RGS7: variants seen among roughly 807,000 people sequenced by gnomAD.
RGS7 encodes regulator of G-protein signaling 7.
In RGS7, 27 loss-of-function variants were observed where a neutral mutation model predicts 81.1. The ratio of observed to expected loss-of-function variants is 0.33; its 90% CI spans 0.25 to 0.46. The LOEUF (loss-of-function observed/expected upper bound fraction) is 0.46. RGS7 is among the 20% of genes least tolerant of loss of function. The pLI is 1.00. For missense variants in RGS7, 396 were observed against 607.4 expected, an observed-to-expected ratio of 0.65 and a Z score of 3.66; for synonymous variants, 208 against 207.7, an observed-to-expected ratio of 1.00 and a Z score of -0.01.
At chr1:241,291,127 C>T (rs1015034441) in intron 2 of RGS7, among the ~76,000 whole-genome samples, 10 of 152,170 alleles carry the variant, frequency 6.6e-5, no homozygotes, top group African/African-American at 2.2e-4. Flanking sequence ...AAAATAAACA[C>T]AGACAAAGCC....
At chr1:241,049,871 A>G (rs780471302) in intron 3 of RGS7, among the ~76,000 whole-genome samples, 1 of 152,206 alleles carries the variant, frequency 6.6e-6, no homozygotes, top group East Asian at 1.9e-4. Flanking sequence ...GATGGGTCAC[A>G]CTGTACTAAC....
intron 3 of RGS7, among the ~76,000 whole-genome samples, chr1:241,072,792 A>G (rs189446934): frequency 2.0e-5 from 3 of 152,262 alleles, no homozygotes; most frequent in Admixed American, 2.0e-4. Context: ...CAGAGGCAGG[A>G]TGGAGAAAGG....
chr1:241,084,620 C>G (rs535985498), intron 3 of RGS7, among the ~76,000 whole-genome samples: 2 of 152,278 alleles, frequency 1.3e-5, no homozygotes, highest in African/African-American at 4.8e-5. Flanking sequence ...GACAACTCTT[C>G]TGACCTCAAA....
At chr1:240,831,189 C>A (rs1693773187) in intron 9 of RGS7, among the ~76,000 whole-genome samples, 1 of 151,850 alleles carries the variant, frequency 6.6e-6, no homozygotes, top group Non-Finnish European at 1.5e-5. Flanking sequence ...GTCTCGGAGG[C>A]CCTGTAATTT....
At chr1:241,274,942 C>T (rs927412532) in intron 2 of RGS7, among the ~76,000 whole-genome samples, 25 of 152,302 alleles carry the variant, frequency 1.6e-4, no homozygotes, top group Admixed American at 1.0e-3. Flanking sequence ...TTATCCAGGA[C>T]GGACTGATTA....
At chr1:241,025,711 T>C (rs764014751) in intron 3 of RGS7, among the ~76,000 whole-genome samples, 4 of 151,746 alleles carry the variant, frequency 2.6e-5, no homozygotes, top group Non-Finnish European at 4.4e-5. Flanking sequence ...TTTTTTTTAA[T>C]GAAGGATATT....
intron 4 of RGS7, among the ~76,000 whole-genome samples, chr1:240,975,121 C>T (rs182118093): frequency 6.6e-6 from 1 of 152,000 alleles, no homozygotes; most frequent in African/African-American, 2.4e-5. Context: ...CACAGAAATG[C>T]GGCCGGGTGC....
chr1:240,807,118 C>T (rs1490253976), intron 14 of RGS7, among the ~76,000 whole-genome samples: 3 of 152,124 alleles, frequency 2.0e-5, no homozygotes, highest in Admixed American at 6.5e-5. Flanking sequence ...CATATGTATA[C>T]TGAAAGAACC....
intron 2 of RGS7, among the ~76,000 whole-genome samples, chr1:241,311,019 A>C (rs983534271): frequency 1.3e-5 from 2 of 152,244 alleles, no homozygotes; most frequent in African/African-American, 4.8e-5. Flanking sequence ...ATTTTTGACC[A>C]ACAAGGTTTT....
At chr1:240,849,583 TG>T (rs1273781579) in intron 9 of RGS7, among the ~76,000 whole-genome samples, 1 of 152,158 alleles carries the variant, frequency 6.6e-6, no homozygotes, top group East Asian at 1.9e-4. Flanking sequence ...GTTTGGATCA[TG>T]GGGGTGGATC....
chr1:241,094,238 AAC>A (rs149481776), intron 3 of RGS7, among the ~76,000 whole-genome samples: 18,566 of 135,774 alleles, frequency 0.14, 1,156 homozygotes, highest in African/African-American at 0.18. Context: ...GACATACATA[AAC>A]ACACACACAC....
intron 9 of RGS7, among the ~76,000 whole-genome samples, chr1:240,853,900 CAAAAAAAAA>C (rs35471716): frequency 2.2e-4 from 5 of 22,240 alleles, no homozygotes; most frequent in Non-Finnish European, 3.0e-4. Flanking sequence ...GACTCCGTCT[CAAAAAAAAA>C]AAAAAAAAAA....
intron 3 of RGS7, among the ~76,000 whole-genome samples, chr1:241,092,675 G>T (rs968705941): frequency 6.6e-6 from 1 of 152,158 alleles, no homozygotes; most frequent in Non-Finnish European, 1.5e-5. Context: ...TAGAGCACTT[G>T]TTCAAAGCCA....
chr1:241,242,669 T>C (rs1403012380), intron 2 of RGS7, among the ~76,000 whole-genome samples: 1 of 152,206 alleles, frequency 6.6e-6, no homozygotes, highest in African/African-American at 2.4e-5. Flanking sequence ...TTATGGCCAT[T>C]CTTGCAGAAG....
chr1:241,014,176 T>C (rs2059109615), intron 3 of RGS7, among the ~76,000 whole-genome samples: 1 of 152,218 alleles, frequency 6.6e-6, no homozygotes, highest in Non-Finnish European at 1.5e-5. Flanking sequence ...GAAAATAATT[T>C]CTCCTTTCTT....
intron 3 of RGS7, among the ~76,000 whole-genome samples, chr1:241,019,923 T>C (rs1279269016): frequency 2.6e-5 from 4 of 152,220 alleles, no homozygotes; most frequent in Non-Finnish European, 5.9e-5. Context: ...TTTTGGTTTG[T>C]CCAGATTTTT....
In RGS7 at chr1:241,163,032, T is replaced by A. The variant is rs2069859109; in HGVS notation, c.79-64270A>T. ...GATGGGAGTTAAATTGTTTTGGAAT[T>A]TGCCACTACATAAACTATATAATAG... On this transcript the variant is annotated intron_variant, in intron 2 of 18. Coordinates refer to ENST00000440928, the MANE Select transcript of RGS7 (RefSeq NM_001364886.1). This position sits in a 1 kb window ranked among gnomAD's most constrained non-coding sequence, Gnocchi z 4.6. 6.6e-6 allele frequency among the ~76,000 whole-genome samples: 1 copy of A among 152,182 alleles called. No homozygotes were observed. The highest frequency in any genetic ancestry group is 2.1e-4 in the South Asian group (1 of 4,832).
At chr1:240,851,411 A>C (rs2147931202) in intron 9 of RGS7, among the ~76,000 whole-genome samples, 1 of 152,314 alleles carries the variant, frequency 6.6e-6, no homozygotes, top group Non-Finnish European at 1.5e-5. Flanking sequence ...TTCAAAATAT[A>C]CCCACTCACT....
chr1:240,972,510 C>A (rs1219463174), intron 4 of RGS7, among the ~76,000 whole-genome samples: 1 of 111,378 alleles, frequency 9.0e-6, no homozygotes, highest in African/African-American at 3.6e-5. Context: ...ATCACATGGA[C>A]ACAGGAAGGG....
Sources: allele counts gnomAD v4.1 joint callset (sites outside exome capture counted in the v4.1 genomes callset), GRCh38; gene constraint gnomAD v4.1.1; non-coding constraint Gnocchi (gnomAD v3.1); transcripts MANE v1.5; gene names NCBI Gene and HGNC (gene_info 2026-07-23, HGNC 2026-07-21).